The following TANC2 variants were observed in gnomAD, a reference collection of about 807,000 sequenced individuals.
TANC2 encodes the protein tetratricopeptide repeat, ankyrin repeat and coiled-coil containing 2.
A neutral mutation model predicts 210.5 loss-of-function variants in TANC2; 26 were observed. The ratio of observed to expected loss-of-function variants is 0.12; its 90% CI spans 0.09 to 0.17. TANC2 has a LOEUF of 0.17. Ranked by LOEUF, TANC2 falls within the 10% of genes least tolerant of loss-of-function variation. The pLI is 1.00. For missense variants in TANC2, 2,129 were observed against 2,608.9 expected (o/e 0.82, Z 4.01); for synonymous variants, 931 against 967.1 (o/e 0.96, Z 0.69).
intron 2 of TANC2, among the ~76,000 whole-genome samples, chr17:63,043,237 T>C (rs1159612161): frequency 6.6e-6 from 1 of 152,068 alleles, no homozygotes; most frequent in Non-Finnish European, 1.5e-5. Context: ...AGGGCAAAAG[T>C]GTAAATATGT....
At chr17:63,323,363 A>G (rs1032340817) in intron 11 of TANC2, among the ~76,000 whole-genome samples, 1 of 152,174 alleles carries the variant, frequency 6.6e-6, no homozygotes, top group African/African-American at 2.4e-5. Context: ...CTTTAGAACT[A>G]TTTCATTTAT....
intron 7 of TANC2, among the ~76,000 whole-genome samples, chr17:63,213,402 G>A (rs575048703): frequency 1.3e-5 from 2 of 152,216 alleles, no homozygotes; most frequent in East Asian, 1.9e-4. Flanking sequence ...TCTAGCTTTC[G>A]GTGTACAACC....
At chr17:62,971,467 C>G (rs988648561) in intron 1 of TANC2, among the ~76,000 whole-genome samples, 4 of 152,170 alleles carry the variant, frequency 2.6e-5, no homozygotes, top group Admixed American at 2.6e-4. Context: ...GTAGCTGAGA[C>G]TATAGGCACG....
chr17:63,029,769 A>G (rs1207263033), intron 2 of TANC2, among the ~76,000 whole-genome samples: 1 of 152,158 alleles, frequency 6.6e-6, no homozygotes, highest in Non-Finnish European at 1.5e-5. Flanking sequence ...TTTCTAAACC[A>G]ACAGCAACAA....
intron 9 of TANC2, among the ~76,000 whole-genome samples, chr17:63,283,245 C>T (rs151165626): frequency 1.3e-5 from 2 of 151,864 alleles, no homozygotes; most frequent in African/African-American, 2.4e-5. Context: ...TACTGGATTC[C>T]TTTTGTACCT....
intron 9 of TANC2, among the ~76,000 whole-genome samples, chr17:63,297,047 C>G (rs2044558363): frequency 1.3e-5 from 2 of 152,062 alleles, no homozygotes; most frequent in African/African-American, 4.8e-5. Flanking sequence ...ATGAATTCAG[C>G]AAAGTTGCTG....
chr17:63,247,748 A>G (rs1174564577), intron 8 of TANC2, among the ~76,000 whole-genome samples: 2 of 152,150 alleles, frequency 1.3e-5, no homozygotes, highest in African/African-American at 4.8e-5. Flanking sequence ...ACAAGATTAT[A>G]TGCTACTGGA....
intron 2 of TANC2, among the ~76,000 whole-genome samples, chr17:63,039,473 G>T (rs1237166148): frequency 6.6e-6 from 1 of 152,162 alleles, no homozygotes; most frequent in African/African-American, 2.4e-5. Flanking sequence ...AGGATTTTAC[G>T]TAGGCACCTG....
At chr17:63,050,725 T>C (rs73341714) in intron 2 of TANC2, among the ~76,000 whole-genome samples, 3,385 of 152,234 alleles carry the variant, frequency 0.022, 112 homozygotes, top group African/African-American at 0.076. Context: ...AATCAAAAAA[T>C]AAAACTGAGA....
chr17:63,073,063 T>G (rs148419439), intron 2 of TANC2, among the ~76,000 whole-genome samples: 20 of 152,246 alleles, frequency 1.3e-4, no homozygotes, highest in Non-Finnish European at 4.4e-5. Context: ...AGTGATTGTA[T>G]GAAAGAACGA....
intron 3 of TANC2, among the ~76,000 whole-genome samples, chr17:63,089,647 G>C (rs2037107547): frequency 6.6e-6 from 1 of 152,110 alleles, no homozygotes; most frequent in Non-Finnish European, 1.5e-5. Flanking sequence ...GTATGTGAAT[G>C]TGTGAGATAA....
intron 2 of TANC2, among the ~76,000 whole-genome samples, chr17:63,056,362 A>G (rs1194063337): frequency 1.3e-5 from 2 of 151,950 alleles, no homozygotes; most frequent in Non-Finnish European, 2.9e-5. Flanking sequence ...ATTTTACTGT[A>G]ATGTATTTCT....
At chr17:62,994,263 T>C (rs2033003822) in intron 1 of TANC2, among the ~76,000 whole-genome samples, 1 of 151,666 alleles carries the variant, frequency 6.6e-6, no homozygotes. Flanking sequence ...ACCCTCTGCC[T>C]CCTGGGTTCC....
At chr17:63,411,295 A>G (rs2048696035) in intron 21 of TANC2, among the ~76,000 whole-genome samples, 1 of 152,248 alleles carries the variant, frequency 6.6e-6, no homozygotes, top group African/African-American at 2.4e-5. Flanking sequence ...ATGACCCTGA[A>G]TACTCAGTAA....
chr17:63,293,054 A>G (rs1259391584), intron 9 of TANC2, among the ~76,000 whole-genome samples: 5 of 152,112 alleles, frequency 3.3e-5, no homozygotes, highest in African/African-American at 7.2e-5. Context: ...TCAGACCATT[A>G]TCTTTAGAGT....
At chr17:63,386,444 A>G (rs2047781254) in intron 15 of TANC2, among the ~76,000 whole-genome samples, 1 of 152,234 alleles carries the variant, frequency 6.6e-6, no homozygotes, top group Admixed American at 6.5e-5. Flanking sequence ...GGATTTTTCA[A>G]AATAATCCCA....
intron 7 of TANC2, among the ~76,000 whole-genome samples, chr17:63,218,352 C>T (rs1225193132): frequency 6.6e-6 from 1 of 151,960 alleles, no homozygotes; most frequent in African/African-American, 2.4e-5. Context: ...AACTGAAAAA[C>T]CTACATCTAA....
At chr17:63,354,693 C>A (rs2046729540) in intron 13 of TANC2, 90 bp from the exon 14 acceptor site, 1 of 1,481,748 alleles carries the variant, frequency 6.7e-7, no homozygotes, top group South Asian at 1.5e-5. Flanking sequence ...CTTCGAAGTT[C>A]AGAATACATT....
intron 7 of TANC2, among the ~76,000 whole-genome samples, chr17:63,206,974 T>G (rs1466753366): frequency 6.6e-6 from 1 of 152,094 alleles, no homozygotes; most frequent in East Asian, 1.9e-4. Context: ...CCTGACTACC[T>G]CTCTTACCCT....
Sources: allele counts gnomAD v4.1 joint callset (sites outside exome capture counted in the v4.1 genomes callset), GRCh38; gene constraint gnomAD v4.1.1; transcripts MANE v1.5; gene names NCBI Gene and HGNC (gene_info 2026-07-23, HGNC 2026-07-21).